The following ADGB variants were observed in gnomAD, a reference collection of about 807,000 sequenced individuals.
The protein encoded by ADGB is androglobin.
A neutral mutation model predicts 210.5 loss-of-function variants in ADGB; 172 were observed. The observed-to-expected ratio is 0.82, with a 90% CI of 0.72 to 0.93. The LOEUF is 0.93. Ranked by LOEUF, ADGB falls within the 40% of genes least tolerant of loss-of-function variation. The pLI is 0.00. For missense variants in ADGB, 2,025 were observed against 1,964.8 expected (o/e 1.03, Z -0.58); for synonymous variants, 658 against 662.7 (o/e 0.99, Z 0.11).
intron 5 of ADGB, among the ~76,000 whole-genome samples, chr6:146,663,330 G>T (rs1775892797): frequency 6.6e-6 from 1 of 151,298 alleles, no homozygotes. Context: ...TATTTCTGGA[G>T]GCTGGGAAGT....
At chr6:146,700,813 A>G (rs1420774492) in intron 12 of ADGB, 128 bp from the exon 13 acceptor site, 11 of 1,118,910 alleles carry the variant, frequency 9.8e-6, no homozygotes, top group African/African-American at 4.8e-5. Flanking sequence ...TACTGGTAGT[A>G]AAAGAATGAG....
At chr6:146,614,601 T>C (rs1175567581) in intron 1 of ADGB, among the ~76,000 whole-genome samples, 1 of 152,216 alleles carries the variant, frequency 6.6e-6, no homozygotes, top group Non-Finnish European at 1.5e-5. Flanking sequence ...TACATATTTA[T>C]AGGGTAATGT....
intron 2 of ADGB, among the ~76,000 whole-genome samples, chr6:146,642,197 C>A (rs1053836562): frequency 5.9e-5 from 9 of 151,472 alleles, no homozygotes; most frequent in South Asian, 2.1e-4. Context: ...CCATTTCACA[C>A]CTATCAGAAT....
intron 28 of ADGB, 52 bp from the exon 29 acceptor site, chr6:146,768,968 C>A: frequency 2.2e-6 from 2 of 925,868 alleles, no homozygotes; most frequent in South Asian, 2.0e-5. Flanking sequence ...TGACATTAGG[C>A]ACATACCATG....
intron 5 of ADGB, among the ~76,000 whole-genome samples, chr6:146,658,900 C>T (rs551382002): frequency 6.6e-5 from 10 of 152,276 alleles, no homozygotes; most frequent in Non-Finnish European, 5.9e-5. Flanking sequence ...ACAGAGGATG[C>T]TGTGAGCACT....
intron 35 of ADGB, chr6:146,807,642 G>T: frequency 2.9e-6 from 4 of 1,371,166 alleles, no homozygotes; most frequent in Non-Finnish European, 3.9e-6. Context: ...TATTTGTAAT[G>T]ATCTTTAACT....
intron 10 of ADGB, among the ~76,000 whole-genome samples, chr6:146,687,984 A>T (rs1460547491): frequency 6.6e-6 from 1 of 152,136 alleles, no homozygotes; most frequent in Non-Finnish European, 1.5e-5. Context: ...TAAGTTAAAA[A>T]ACTAAGACTA....
intron 1 of ADGB, among the ~76,000 whole-genome samples, chr6:146,616,180 T>G (rs1780796410): frequency 6.6e-6 from 1 of 152,146 alleles, no homozygotes; most frequent in African/African-American, 2.4e-5. Flanking sequence ...TGTTGAATAT[T>G]TTGTATATGC....
At chr6:146,806,430 T>C (rs536393466) in intron 35 of ADGB, among the ~76,000 whole-genome samples, 2 of 152,310 alleles carry the variant, frequency 1.3e-5, no homozygotes, top group East Asian at 3.9e-4. Context: ...TGTCTCTTTC[T>C]CTCTTTAATA....
At chr6:146,774,741 A>G (rs999020096) in intron 29 of ADGB, among the ~76,000 whole-genome samples, 1 of 152,208 alleles carries the variant, frequency 6.6e-6, no homozygotes, top group Non-Finnish European at 1.5e-5. Flanking sequence ...TTTGAAGTGC[A>G]TGATGTATTT....
intron 33 of ADGB, among the ~76,000 whole-genome samples, chr6:146,799,798 C>A (rs9485123): frequency 0.047 from 7,171 of 151,902 alleles, 526 homozygotes; most frequent in African/African-American, 0.16. Flanking sequence ...AAAACTGTTT[C>A]TTTTGTTGTT....
At chr6:146,656,410 TTGCTCATTTGTC>T (rs781200322) in intron 4 of ADGB, among the ~76,000 whole-genome samples, 27 of 152,232 alleles carry the variant, frequency 1.8e-4, no homozygotes, top group Admixed American at 7.2e-4. Flanking sequence ...AAAGAGTAGC[TTGCTCATTTGTC>T]ACAATTTTCA....
chr6:146,657,262 G>A (rs1448708791), intron 5 of ADGB, among the ~76,000 whole-genome samples: 2 of 151,000 alleles, frequency 1.3e-5, no homozygotes, highest in Non-Finnish European at 2.9e-5. Context: ...GGAGGCAGAG[G>A]TTGAGTGAGT....
intron 33 of ADGB, among the ~76,000 whole-genome samples, chr6:146,793,644 C>T (rs916846263): frequency 1.1e-4 from 17 of 152,070 alleles, no homozygotes; most frequent in Admixed American, 2.0e-4. Flanking sequence ...ATACAGGGCC[C>T]GAAGGCGAGT....
chr6:146,687,580 T>C (rs1309768584), intron 10 of ADGB, among the ~76,000 whole-genome samples: 2 of 151,832 alleles, frequency 1.3e-5, no homozygotes, highest in Non-Finnish European at 2.9e-5. Flanking sequence ...CACTGATAAG[T>C]GGGACTTGAA....
At chr6:146,792,185 G>C (rs966352166) in intron 33 of ADGB, among the ~76,000 whole-genome samples, 3 of 152,086 alleles carry the variant, frequency 2.0e-5, no homozygotes, top group African/African-American at 7.2e-5. Flanking sequence ...TTTTGGTCCA[G>C]ATGGCTTTGC....
In ADGB at chr6:146,745,951, T is replaced by C; in HGVS notation, c.3207T>C (p.Phe1069=). ...KKGYTFVAEA[F]TGDTYVAASR... ...GATACACTTTTGTGGCGGAAGCATT[T>C]ACAGGCGACACATATGTAGCAGCCT... is the stretch of plus-strand genomic sequence containing the variant. The change falls in exon 26 of 36, where the codon TTT becomes TTC. Residue 1069 remains phenylalanine (F), a synonymous_variant. Transcript: ENST00000397944. 6.5e-7 allele frequency: 1 copy of C among 1,549,608 alleles called. No homozygotes were observed. The highest frequency in any genetic ancestry group is 8.7e-7 in the Non-Finnish European group (1 of 1,146,150).
chr6:146,643,591 T>C, intron 2 of ADGB, among the ~76,000 whole-genome samples: 1 of 151,884 alleles, frequency 6.6e-6, no homozygotes, highest in East Asian at 1.9e-4. Context: ...AGTACGCATT[T>C]GGATATTATT....
intron 8 of ADGB, among the ~76,000 whole-genome samples, chr6:146,673,387 A>G (rs936866739): frequency 6.6e-6 from 1 of 152,162 alleles, no homozygotes; most frequent in Admixed American, 6.5e-5. Flanking sequence ...TGAACTTAAA[A>G]TGGGGTTTCT....
Sources: gnomAD v4.1 joint callset for allele counts (sites outside exome capture counted in the v4.1 genomes callset) on GRCh38, gnomAD v4.1.1 for gene constraint, MANE v1.5 for transcripts, NCBI Gene and HGNC (gene_info 2026-07-23, HGNC 2026-07-21) for gene names.